EFNA5: variants seen among roughly 807,000 people sequenced by gnomAD.
EFNA5 encodes ephrin A5, also known as ephrin-A5.
A neutral mutation model predicts 22.9 loss-of-function variants in EFNA5; 5 were observed. That is an observed-to-expected ratio of 0.22 (90% confidence interval 0.11 to 0.46). The LOEUF is 0.46. EFNA5 is among the 20% of genes least tolerant of loss of function. EFNA5 has a pLI of 0.99. For synonymous variants in EFNA5, 113 were observed against 112.2 expected (o/e 1.01, Z -0.04); for missense variants, 237 against 293.3 (o/e 0.81, Z 1.40).
chr5:107,406,910 A>G (rs892838501), intron 2 of EFNA5, among the ~76,000 whole-genome samples: 2 of 152,222 alleles, frequency 1.3e-5, no homozygotes, highest in African/African-American at 4.8e-5. Flanking sequence ...CCGCAGAATC[A>G]CAAGTTTAAA....
intron 1 of EFNA5, among the ~76,000 whole-genome samples, chr5:107,495,645 A>G (rs1320266378): frequency 6.6e-6 from 1 of 152,228 alleles, no homozygotes; most frequent in Non-Finnish European, 1.5e-5. Flanking sequence ...AACACGAGGA[A>G]GTATGACAAA....
chr5:107,604,480 T>A (rs965493206), intron 1 of EFNA5, among the ~76,000 whole-genome samples: 2 of 152,108 alleles, frequency 1.3e-5, no homozygotes, highest in African/African-American at 4.8e-5. Flanking sequence ...AGAACACTAG[T>A]CTCAGTGAAG....
intron 1 of EFNA5, among the ~76,000 whole-genome samples, chr5:107,577,246 A>T (rs1285467869): frequency 6.6e-6 from 1 of 152,186 alleles, no homozygotes; most frequent in Non-Finnish European, 1.5e-5. Flanking sequence ...AATTGTGAAC[A>T]TAAAACTCAA....
At chr5:107,385,579 A>C (rs1441073491) in intron 4 of EFNA5, among the ~76,000 whole-genome samples, 5 of 152,186 alleles carry the variant, frequency 3.3e-5, no homozygotes, top group African/African-American at 1.2e-4. Flanking sequence ...CTTTGATACT[A>C]ATGTTGGAAT....
chr5:107,511,800 C>CT (rs1456200852), intron 1 of EFNA5, among the ~76,000 whole-genome samples: 1 of 91,094 alleles, frequency 1.1e-5, no homozygotes, highest in African/African-American at 7.4e-5. Context: ...TATTACTTTT[C>CT]TTAAAAAAAA....
At chr5:107,396,037 A>T (rs1477300955) in intron 2 of EFNA5, among the ~76,000 whole-genome samples, 1 of 152,248 alleles carries the variant, frequency 6.6e-6, no homozygotes, top group African/African-American at 2.4e-5. Context: ...AGATATTAAC[A>T]GAAACAATGT....
intron 1 of EFNA5, among the ~76,000 whole-genome samples, chr5:107,592,308 A>T (rs1033896910): frequency 6.6e-6 from 1 of 151,450 alleles, no homozygotes; most frequent in Non-Finnish European, 1.5e-5. Context: ...ATAAACTTCA[A>T]TTATACCAAT....
chr5:107,569,381 AT>A (rs1362704849), intron 1 of EFNA5, among the ~76,000 whole-genome samples: 2 of 144,204 alleles, frequency 1.4e-5, no homozygotes, highest in Non-Finnish European at 1.5e-5. Flanking sequence ...ATATATATAT[AT>A]TTTTATGTAT....
intron 1 of EFNA5, among the ~76,000 whole-genome samples, chr5:107,651,578 C>T (rs1258571538): frequency 6.6e-6 from 1 of 151,562 alleles, no homozygotes; most frequent in South Asian, 2.1e-4. Context: ...TCTCCAACTA[C>T]AACTTGATGT....
At chr5:107,481,208 G>A (rs910605927) in intron 1 of EFNA5, among the ~76,000 whole-genome samples, 2 of 152,162 alleles carry the variant, frequency 1.3e-5, no homozygotes, top group African/African-American at 4.8e-5. Context: ...CGGTTCTCCT[G>A]TATTCAGGAG....
chr5:107,550,474 A>T (rs962883057), intron 1 of EFNA5, among the ~76,000 whole-genome samples: 13 of 152,176 alleles, frequency 8.5e-5, no homozygotes, highest in Non-Finnish European at 1.8e-4. Context: ...CATCACAGGC[A>T]AATTGTCTAA....
At chr5:107,435,924 G>T (rs556777637) in intron 1 of EFNA5, among the ~76,000 whole-genome samples, 2 of 152,278 alleles carry the variant, frequency 1.3e-5, no homozygotes, top group East Asian at 3.9e-4. Context: ...ATGATAAGAA[G>T]ACATCATTTT....
In EFNA5 at chr5:107,594,274, CT is replaced by C. The variant is rs1749431229; in HGVS notation, c.125+76214del. Among the ~76,000 whole-genome samples the C allele has an allele frequency of 2.6e-5, 4 of 152,082 alleles. No individual in the cohort carries two copies. The South Asian group carries it at 8.3e-4, about 32-fold the overall frequency. On this transcript the variant is annotated intron_variant, in intron 1 of 4. Transcript: ENST00000333274. ...TATGTAGACATCCATTCATAATCAC[CT>C]TTTTAAAAATGTTGTAACTGAATGA...
chr5:107,431,821 T>C (rs3843490), intron 1 of EFNA5, among the ~76,000 whole-genome samples: 55,748 of 152,038 alleles, frequency 0.37, 10,304 homozygotes, highest in East Asian at 0.53. Flanking sequence ...TATGTTATCA[T>C]ATGAAATCCT....
chr5:107,411,049 T>G (rs750604175), intron 2 of EFNA5, among the ~76,000 whole-genome samples: 34 of 152,218 alleles, frequency 2.2e-4, no homozygotes, highest in Non-Finnish European at 2.2e-4. Context: ...CCACATTCTT[T>G]AATTTGTTGA....
intron 1 of EFNA5, among the ~76,000 whole-genome samples, chr5:107,574,428 C>T (rs2112489518): frequency 6.6e-6 from 1 of 152,274 alleles, no homozygotes; most frequent in East Asian, 1.9e-4. Flanking sequence ...CTCAATATGC[C>T]ATTAATATGA....
At chr5:107,418,726 A>T (rs1179807226) in intron 2 of EFNA5, among the ~76,000 whole-genome samples, 2 of 152,192 alleles carry the variant, frequency 1.3e-5, no homozygotes, top group African/African-American at 4.8e-5. Context: ...ATGGCTTTAT[A>T]CCGTGAATTT....
intron 1 of EFNA5, among the ~76,000 whole-genome samples, chr5:107,608,058 G>A (rs1580557632): frequency 1.3e-5 from 2 of 152,234 alleles, no homozygotes; most frequent in Admixed American, 1.3e-4. Context: ...ACGTCAAAAC[G>A]AACACAGACT....
At chr5:107,384,089 T>G (rs1747543956) in intron 4 of EFNA5, among the ~76,000 whole-genome samples, 1 of 152,168 alleles carries the variant, frequency 6.6e-6, no homozygotes, top group Non-Finnish European at 1.5e-5. Flanking sequence ...AGCCCCCAAA[T>G]GTGAAATGAG....
Sources: gnomAD v4.1 joint callset for allele counts (sites outside exome capture counted in the v4.1 genomes callset) on GRCh38, gnomAD v4.1.1 for gene constraint, MANE v1.5 for transcripts, NCBI Gene and HGNC (gene_info 2026-07-23, HGNC 2026-07-21) for gene names.